Variants in ARID1B observed in about 807,000 individuals in gnomAD.
ARID1B encodes the protein AT-rich interaction domain 1B.
A neutral mutation model predicts 212.3 loss-of-function variants in ARID1B; 30 were observed. The ratio of observed to expected loss-of-function variants is 0.14; its 90% CI spans 0.11 to 0.19. The LOEUF is 0.19. ARID1B is among the 10% of genes least tolerant of loss of function. ARID1B has a pLI of 1.00. For missense variants in ARID1B, 2,891 were observed against 3,204.0 expected (o/e 0.90, Z 2.36); for synonymous variants, 1,402 against 1,301.7 (o/e 1.08, Z -1.66).
At chr6:157,186,375 G>A (rs565282092) in intron 13 of ARID1B, 2 of 468,418 alleles carry the variant, frequency 4.3e-6, no homozygotes, top group African/African-American at 2.0e-5. Context: ...GGAGCCGAGG[G>A]CCTGTGACAC....
intron 1 of ARID1B, among the ~76,000 whole-genome samples, chr6:156,819,026 G>T (rs1342102455): frequency 6.6e-6 from 1 of 152,062 alleles, no homozygotes; most frequent in Non-Finnish European, 1.5e-5. Flanking sequence ...TAGTGGTAGT[G>T]TTCTTTGTGT....
chr6:156,913,214 T>G (rs999287142), intron 3 of ARID1B, among the ~76,000 whole-genome samples: 3 of 121,122 alleles, frequency 2.5e-5, no homozygotes, highest in African/African-American at 3.8e-5. Flanking sequence ...CATTTTTCTT[T>G]TTCTTTTTTT....
intron 6 of ARID1B, among the ~76,000 whole-genome samples, chr6:157,120,578 T>A (rs951738207): frequency 6.6e-6 from 1 of 152,244 alleles, no homozygotes; most frequent in Admixed American, 6.5e-5. Context: ...GAATATTTTT[T>A]TAAATCTATT....
At chr6:157,036,435 A>G (rs1013763406) in intron 4 of ARID1B, 9 of 204,232 alleles carry the variant, frequency 4.4e-5, no homozygotes, top group African/African-American at 1.9e-4. Flanking sequence ...GCACACATGC[A>G]TAGTGAGATT....
intron 4 of ARID1B, among the ~76,000 whole-genome samples, chr6:156,979,255 A>C (rs1299262807): frequency 6.6e-6 from 1 of 152,244 alleles, no homozygotes; most frequent in Non-Finnish European, 1.5e-5. Flanking sequence ...ATCTAAAGTA[A>C]CTGCTGAGAT....
chr6:157,056,956 G>A (rs1023781546), intron 4 of ARID1B, among the ~76,000 whole-genome samples: 4 of 151,184 alleles, frequency 2.6e-5, no homozygotes, highest in African/African-American at 9.7e-5. Flanking sequence ...GTGTAGGTAA[G>A]CATGCGTCAT....
chr6:157,154,903 T>TTGTTC (rs1341778195), intron 8 of ARID1B, among the ~76,000 whole-genome samples: 1 of 151,848 alleles, frequency 6.6e-6, no homozygotes, highest in African/African-American at 2.4e-5. Context: ...TTCTACTTTT[T>TTGTTC]TGTTTTGTTT....
At chr6:157,169,029 T>C (rs760846899) in intron 9 of ARID1B, 2 of 152,228 alleles carry the variant, frequency 1.3e-5, no homozygotes, top group Non-Finnish European at 2.9e-5. Context: ...CTGCTGTTAC[T>C]GCGTTCTGAT....
intron 4 of ARID1B, among the ~76,000 whole-genome samples, chr6:157,050,015 A>T (rs1376156260): frequency 6.6e-6 from 1 of 152,110 alleles, no homozygotes; most frequent in Non-Finnish European, 1.5e-5. Context: ...GCCTCCAAGG[A>T]GTAAGGGACC....
At chr6:157,029,107 C>CT (rs1780862333) in intron 4 of ARID1B, among the ~76,000 whole-genome samples, 1 of 152,064 alleles carries the variant, frequency 6.6e-6, no homozygotes, top group Non-Finnish European at 1.5e-5. Flanking sequence ...AGAACTAATC[C>CT]TTTTTAAGGA....
chr6:156,921,166 A>G (rs1443679479), intron 3 of ARID1B, among the ~76,000 whole-genome samples: 1 of 152,102 alleles, frequency 6.6e-6, no homozygotes, highest in Non-Finnish European at 1.5e-5. Context: ...TGAATATATT[A>G]GTCACCTTGC....
intron 4 of ARID1B, among the ~76,000 whole-genome samples, chr6:156,988,301 G>T (rs1778061110): frequency 6.6e-6 from 1 of 152,188 alleles, no homozygotes; most frequent in African/African-American, 2.4e-5. Flanking sequence ...CCCAATTTGT[G>T]TGGTGTTTCA....
rs1794139536 is a variant in ARID1B at position 157,201,867 on chromosome 6, T to G, written c.5263+379T>G. ...AAGTAAGAGATCAGGGAATCCTGAG[T>G]GGTTATATGCTGTATTTTGGGCTTA... On this transcript the variant is annotated intron_variant, in intron 18 of 19. Coordinates refer to ENST00000636930, the MANE Select transcript of ARID1B (RefSeq NM_001374828.1). This position sits in a 1 kb window ranked among gnomAD's most constrained non-coding sequence, Gnocchi z 5.2. Among the ~76,000 whole-genome samples the G allele has an allele frequency of 6.8e-6, 1 of 147,492 alleles. No individual in the cohort carries two copies. Among genetic ancestry groups the G allele is most frequent in the Non-Finnish European group, 1.5e-5 (1 of 68,000 alleles).
intron 5 of ARID1B, among the ~76,000 whole-genome samples, chr6:157,098,160 G>T (rs536705984): frequency 6.6e-6 from 1 of 152,172 alleles, no homozygotes; most frequent in African/African-American, 2.4e-5. Flanking sequence ...TTATTAATTT[G>T]CCCTGGTGAG....
Position 157,206,815 on chromosome 6 carries a change from G to T in ARID1B, c.6043G>T (p.Ala2015Ser). Residue 2015 changes from alanine to serine, a missense_variant, in exon 20 of 20, where the codon GCA becomes TCA. Physicochemically the swap from Ala to Ser is moderately conservative, Grantham distance 99 (BLOSUM62 1). Transcript: ENST00000636930. This position sits in a 1 kb window ranked among gnomAD's most constrained non-coding sequence, Gnocchi z 6.8. ...SARPGALPEDANPGPQTESSK... is the reference protein window; with the variant it reads ...SARPGALPEDSNPGPQTESSK... The stretch of plus-strand genomic sequence containing the variant: ...TCGGCCAGGGGCATTGCCTGAAGAC[G>T]CAAACCCTGGGCCCCAGACCGAAAG... 6.2e-7 allele frequency: 1 copy of T among 1,614,010 alleles called. No homozygotes were observed. The highest frequency in any genetic ancestry group is 8.5e-7 in the Non-Finnish European group (1 of 1,180,044).
chr6:157,160,674 A>G (rs1383271822), intron 8 of ARID1B, among the ~76,000 whole-genome samples: 1 of 152,180 alleles, frequency 6.6e-6, no homozygotes, highest in Non-Finnish European at 1.5e-5. Flanking sequence ...TCTTAGGATA[A>G]AGACCAAACC....
chr6:157,119,172 T>TA (rs1004830797), intron 6 of ARID1B, among the ~76,000 whole-genome samples: 2 of 152,150 alleles, frequency 1.3e-5, no homozygotes, highest in Non-Finnish European at 2.9e-5. Flanking sequence ...CAGTAGAGGT[T>TA]CCCACACACC....
At chr6:156,832,846 G>T (rs1460381846) in intron 2 of ARID1B, among the ~76,000 whole-genome samples, 2 of 152,112 alleles carry the variant, frequency 1.3e-5, no homozygotes, top group Non-Finnish European at 2.9e-5. Flanking sequence ...TGATAATTTT[G>T]TTTTTGAGAT....
At chr6:156,983,851 C>T (rs887902435) in intron 4 of ARID1B, among the ~76,000 whole-genome samples, 2 of 152,078 alleles carry the variant, frequency 1.3e-5, no homozygotes, top group Non-Finnish European at 2.9e-5. Flanking sequence ...TTGAGCTGTT[C>T]AGGTTATACC....
Sources: allele counts gnomAD v4.1 joint callset (sites outside exome capture counted in the v4.1 genomes callset), GRCh38; gene constraint gnomAD v4.1.1; non-coding constraint Gnocchi (gnomAD v3.1); transcripts MANE v1.5; gene names NCBI Gene and HGNC (gene_info 2026-07-23, HGNC 2026-07-21).